The following KAZN variants were observed in gnomAD, a reference collection of about 807,000 sequenced individuals.
KAZN encodes kazrin.
KAZN carries 40 observed loss-of-function variants against 87.4 expected under a neutral mutation model. That is an observed-to-expected ratio of 0.46 (90% CI 0.36 to 0.60). KAZN has a LOEUF of 0.60. KAZN is among the 20% of genes least tolerant of loss of function. The pLI is 0.00. For synonymous variants in KAZN, 466 were observed against 458.3 expected, an observed-to-expected ratio of 1.02 and a Z score of -0.22; for missense variants, 898 against 1,073.9, an observed-to-expected ratio of 0.84 and a Z score of 2.29.
At chr1:14,362,956 T>C (rs1659645710) in intron 2 of KAZN, among the ~76,000 whole-genome samples, 1 of 152,166 alleles carries the variant, frequency 6.6e-6, no homozygotes. Flanking sequence ...AATGGCATGA[T>C]GGCAAAGGCA....
chr1:14,589,967 A>G (rs1451487995), intron 2 of KAZN, among the ~76,000 whole-genome samples: 1 of 152,126 alleles, frequency 6.6e-6, no homozygotes, highest in Non-Finnish European at 1.5e-5. Context: ...CTCCTCCTGA[A>G]GATACATTTT....
intron 1 of KAZN, among the ~76,000 whole-genome samples, chr1:14,870,778 G>A (rs531113136): frequency 2.0e-5 from 3 of 152,158 alleles, no homozygotes; most frequent in Admixed American, 2.0e-4. Context: ...TGTTGTGAAG[G>A]TTGTGTGGCA....
intron 1 of KAZN, among the ~76,000 whole-genome samples, chr1:14,178,348 G>A (rs539079592): frequency 1.4e-4 from 22 of 152,108 alleles, no homozygotes; most frequent in Non-Finnish European, 2.5e-4. Flanking sequence ...CTCTGCCAAC[G>A]AGACTCCAAT....
chr1:14,486,395 A>C (rs1314556124), intron 2 of KAZN, among the ~76,000 whole-genome samples: 1 of 152,162 alleles, frequency 6.6e-6, no homozygotes, highest in African/African-American at 2.4e-5. Context: ...GTCCTCACCA[A>C]CTGTGGCTTG....
intron 2 of KAZN, among the ~76,000 whole-genome samples, chr1:14,587,251 C>T (rs1422126163): frequency 1.3e-5 from 2 of 151,938 alleles, no homozygotes; most frequent in Non-Finnish European, 2.9e-5. Flanking sequence ...GCCTGACCAA[C>T]ATGGTGAAAC....
intron 2 of KAZN, among the ~76,000 whole-genome samples, chr1:14,971,031 C>T (rs537027244): frequency 6.6e-6 from 1 of 152,312 alleles, no homozygotes; most frequent in East Asian, 1.9e-4. Context: ...CATCAGTCCT[C>T]CCAACAACCC....
chr1:14,485,270 C>T (rs1243953539), intron 2 of KAZN, among the ~76,000 whole-genome samples: 2 of 152,208 alleles, frequency 1.3e-5, no homozygotes, highest in Non-Finnish European at 2.9e-5. Context: ...TTCTCACATT[C>T]CACTCTTTGC....
chr1:14,434,307 A>T (rs1473935724), intron 2 of KAZN, among the ~76,000 whole-genome samples: 3 of 151,940 alleles, frequency 2.0e-5, no homozygotes, highest in Non-Finnish European at 4.4e-5. Flanking sequence ...CACCTCCCTT[A>T]CCGGTTCAGA....
At chr1:14,352,830 C>A (rs1260845106) in intron 2 of KAZN, among the ~76,000 whole-genome samples, 1 of 152,104 alleles carries the variant, frequency 6.6e-6, no homozygotes. Context: ...TCATGACTGG[C>A]TGGAGTTTAT....
chr1:14,193,770 GT>G (rs1045209661), intron 2 of KAZN, among the ~76,000 whole-genome samples: 45 of 151,382 alleles, frequency 3.0e-4, no homozygotes, highest in African/African-American at 1.1e-3. Flanking sequence ...CAACCTGTGT[GT>G]TTCCTTGATC....
At chr1:14,955,995 T>C (rs1557658143) in intron 1 of KAZN, among the ~76,000 whole-genome samples, 1 of 152,222 alleles carries the variant, frequency 6.6e-6, no homozygotes, top group Non-Finnish European at 1.5e-5. Flanking sequence ...GGTTGGGACA[T>C]ATACTGAAAA....
chr1:14,513,144 C>T (rs1453187566), intron 2 of KAZN, among the ~76,000 whole-genome samples: 1 of 152,156 alleles, frequency 6.6e-6, no homozygotes, highest in African/African-American at 2.4e-5. Context: ...TCCCTTTGGC[C>T]CTTTTCCTTA....
chr1:14,618,709 C>A (rs1678452986), intron 1 of KAZN, among the ~76,000 whole-genome samples: 1 of 152,134 alleles, frequency 6.6e-6, no homozygotes, highest in Non-Finnish European at 1.5e-5. Context: ...GCCCACTGAC[C>A]CCAAAGCCTA....
intron 1 of KAZN, among the ~76,000 whole-genome samples, chr1:14,101,105 G>A (rs1180440523): frequency 2.6e-5 from 4 of 152,088 alleles, no homozygotes; most frequent in East Asian, 1.9e-4. Flanking sequence ...TATCAGCAGC[G>A]TGAAAATGGA....
intron 1 of KAZN, among the ~76,000 whole-genome samples, chr1:14,727,896 G>C (rs1643479978): frequency 6.6e-6 from 1 of 152,118 alleles, no homozygotes; most frequent in East Asian, 1.9e-4. Context: ...GGTGATGGGA[G>C]ATAGCAACAG....
At chr1:14,651,702 C>A (rs751889334) in intron 1 of KAZN, among the ~76,000 whole-genome samples, 5 of 152,106 alleles carry the variant, frequency 3.3e-5, no homozygotes, top group Non-Finnish European at 7.3e-5. Flanking sequence ...TTTTTCCCCC[C>A]ACGAGAATAA....
chr1:13,990,799 G>A (rs1639244295), intron 1 of KAZN, among the ~76,000 whole-genome samples: 1 of 152,158 alleles, frequency 6.6e-6, no homozygotes, highest in African/African-American at 2.4e-5. Flanking sequence ...ATGGACAAAC[G>A]AATATACCTG....
intron 1 of KAZN, among the ~76,000 whole-genome samples, chr1:14,813,558 C>A (rs142085209): frequency 2.7e-4 from 41 of 152,298 alleles, no homozygotes; most frequent in Non-Finnish European, 5.4e-4. Flanking sequence ...CCATGTGGAG[C>A]AGAGTCAAAC....
At chr1:14,611,743 C>T (rs1341788118) in intron 1 of KAZN, among the ~76,000 whole-genome samples, 3 of 151,260 alleles carry the variant, frequency 2.0e-5, no homozygotes, top group African/African-American at 7.3e-5. Context: ...TATAGTTATT[C>T]ATATAGGCAT....
Sources: gnomAD v4.1 joint callset for allele counts (sites outside exome capture counted in the v4.1 genomes callset) on GRCh38, gnomAD v4.1.1 for gene constraint, MANE v1.5 for transcripts, NCBI Gene and HGNC (gene_info 2026-07-23, HGNC 2026-07-21) for gene names.